The following ORC3 variants were observed in gnomAD, a reference collection of about 807,000 sequenced individuals.
ORC3 encodes origin recognition complex subunit 3.
In ORC3, 78 loss-of-function variants were observed where a neutral mutation model predicts 100.7. The ratio of observed to expected loss-of-function variants is 0.77; its 90% CI spans 0.65 to 0.94. The LOEUF (loss-of-function observed/expected upper bound fraction) is 0.94. ORC3 is among the 40% of genes least tolerant of loss of function. The pLI is 0.00. For synonymous variants in ORC3, 295 were observed against 289.3 expected (o/e 1.02, Z -0.20); for missense variants, 789 against 823.9 (o/e 0.96, Z 0.52).
At chr6:87,619,807 G>A (rs1358896306) in intron 9 of ORC3, among the ~76,000 whole-genome samples, 1 of 152,172 alleles carries the variant, frequency 6.6e-6, no homozygotes, top group African/African-American at 2.4e-5. Flanking sequence ...ACAAGTGACA[G>A]CATCTTTAGA....
intron 8 of ORC3, among the ~76,000 whole-genome samples, chr6:87,614,368 G>T (rs1199385644): frequency 1.3e-5 from 2 of 152,220 alleles, no homozygotes; most frequent in African/African-American, 4.8e-5. Context: ...AGGTCTCCAG[G>T]CTTGTGATGG....
In ORC3 at chr6:87,653,349, A is replaced by G. The variant is rs1260649808; in HGVS notation, c.1516+100A>G. On this transcript the variant is annotated intron_variant, in intron 14 of 19. Coordinates refer to ENST00000392844, the MANE Select transcript of ORC3 (RefSeq NM_012381.4). ...TTCTGATGTGCTTAGAGATAAAGAG[A>G]TAAAGTAGTTCATGATCAGTCAGTA... The G allele has an allele frequency of 1.4e-5, 15 of 1,101,350 alleles. No individual in the cohort carries two copies. The East Asian group carries it at 3.6e-4, about 26-fold the overall frequency. 68.2% of individuals were successfully genotyped at this position (1,101,350 alleles called of 1,614,324 possible).
chr6:87,615,552 G>A (rs7769144), intron 8 of ORC3, among the ~76,000 whole-genome samples: 17,312 of 152,142 alleles, frequency 0.11, 1,061 homozygotes, highest in East Asian at 0.15. Flanking sequence ...TGGCTAGGCC[G>A]GAAAGGGTGG....
chr6:87,639,679 T>C (rs1012779339), intron 13 of ORC3, among the ~76,000 whole-genome samples: 1 of 152,078 alleles, frequency 6.6e-6, no homozygotes, highest in African/African-American at 2.4e-5. Context: ...TGTTCTGTGA[T>C]ACTTTTTGAG....
At chr6:87,672,556 AT>A in the ORC3 span, among the ~76,000 whole-genome samples, 1 of 152,202 alleles carries the variant, frequency 6.6e-6, no homozygotes, top group Non-Finnish European at 1.5e-5. Context: ...TTTAATACCA[AT>A]TACTGTAAGA....
At chr6:87,604,588 T>G (rs913331878) in intron 4 of ORC3, among the ~76,000 whole-genome samples, 1 of 152,226 alleles carries the variant, frequency 6.6e-6, no homozygotes, top group Non-Finnish European at 1.5e-5. Flanking sequence ...GTTAAACACA[T>G]TGTTGATTAT....
intron 16 of ORC3, 112 bp from the exon 17 acceptor site, chr6:87,662,891 T>C (rs1334546005): frequency 1.8e-6 from 1 of 561,338 alleles, no homozygotes; most frequent in African/African-American, 2.0e-5. Context: ...GACAAAAATG[T>C]TATAGTGAAA....
intron 5 of ORC3, among the ~76,000 whole-genome samples, chr6:87,606,265 G>C (rs113578301): frequency 6.6e-6 from 1 of 152,120 alleles, no homozygotes; most frequent in Non-Finnish European, 1.5e-5. Context: ...TAGCAGTCCA[G>C]GCATTTTGTG....
At chr6:87,664,683 C>A in intron 17 of ORC3, 60 bp from the exon 18 acceptor site, 2 of 1,376,166 alleles carry the variant, frequency 1.5e-6, no homozygotes, top group South Asian at 1.2e-5. Flanking sequence ...TCATTAATGT[C>A]TGATTTTATT....
At chr6:87,635,399 T>G (rs1767735103) in intron 12 of ORC3, among the ~76,000 whole-genome samples, 1 of 152,236 alleles carries the variant, frequency 6.6e-6, no homozygotes, top group African/African-American at 2.4e-5. Context: ...TTTATGTTAT[T>G]CGATAAACCT....
intron 4 of ORC3, among the ~76,000 whole-genome samples, chr6:87,605,393 G>A (rs1039426074): frequency 1.4e-4 from 22 of 152,254 alleles, no homozygotes; most frequent in African/African-American, 4.1e-4. Context: ...GCTCACGCCT[G>A]TAATCCCAGC....
chr6:87,673,671 T>C, the ORC3 span, among the ~76,000 whole-genome samples: 1 of 151,822 alleles, frequency 6.6e-6, no homozygotes, highest in African/African-American at 2.4e-5. Context: ...TGAAACCCCG[T>C]CTCTACTAAA....
At chr6:87,658,658 T>C (rs1769918411) in intron 16 of ORC3, among the ~76,000 whole-genome samples, 1 of 152,140 alleles carries the variant, frequency 6.6e-6, no homozygotes. Flanking sequence ...TTACACTTTA[T>C]CTTTGCTAGG....
chr6:87,667,073 A>T lies in ORC3; in HGVS notation c.2086A>T (p.Thr696Ser). The T allele has an allele frequency of 6.2e-7, 1 of 1,612,738 alleles. No homozygotes were observed. Among genetic ancestry groups the T allele is most frequent in the South Asian group, 1.1e-5 (1 of 90,858 alleles). ...AGAACTTTTAGGATTTATAAAACCT[A>T]CCAAACAGAAGACTGACCATGTGGC... ...ELELLGFIKP[T>S]KQKTDHVARL... is the part of the protein sequence containing the mutation. The change falls in exon 20 of 20, where the codon ACC becomes TCC. Residue 696 changes from threonine (T) to serine (S), a missense_variant. Thr to Ser is a moderately conservative substitution (Grantham distance 58). Transcript: ENST00000392844.
At chr6:87,602,922 A>G (rs1211002818) in intron 3 of ORC3, among the ~76,000 whole-genome samples, 19 of 126,838 alleles carry the variant, frequency 1.5e-4, no homozygotes, top group African/African-American at 5.6e-4. Context: ...TTATATATAT[A>G]TATACACGTT....
At chr6:87,609,302 A>AG in intron 7 of ORC3, 73 bp downstream of exon 7, 3 of 1,030,680 alleles carry the variant, frequency 2.9e-6, no homozygotes, top group Non-Finnish European at 4.1e-6. Context: ...CTTGAAAAGT[A>AG]TAATCTTCAT....
At chr6:87,648,490 C>T (rs929616056) in intron 13 of ORC3, among the ~76,000 whole-genome samples, 7 of 152,052 alleles carry the variant, frequency 4.6e-5, no homozygotes, top group African/African-American at 1.7e-4. Flanking sequence ...TATTCTACCA[C>T]AGATGCCATG....
Position 87,663,068 on chromosome 6 carries a change from C to T in ORC3, c.1757C>T (p.Ala586Val), listed in dbSNP as rs771689518. 2 of 1,612,312 alleles carry T rather than the reference C, an allele frequency of 1.2e-6. No individual in the cohort carries two copies. Among genetic ancestry groups the T allele is most frequent in the East Asian group, 2.2e-5 (1 of 44,872 alleles). The part of the protein sequence containing the change: ...HEVVYFSAAH[A>V]LREHLNAAPR... ...GTGGTGTACTTCAGTGCTGCCCATG[C>T]CCTTCGTGAGCATTTAAATGCTGCT... is the stretch of plus-strand genomic sequence containing the variant. Residue 586 changes from alanine (A) to valine (V), a missense_variant, in exon 17 of 20, where the codon GCC becomes GTC. Physicochemically the swap from Ala to Val is moderately conservative, Grantham distance 64. Transcript: ENST00000392844.
At chr6:87,646,749 C>T (rs1227591444) in intron 13 of ORC3, among the ~76,000 whole-genome samples, 1 of 152,224 alleles carries the variant, frequency 6.6e-6, no homozygotes, top group Non-Finnish European at 1.5e-5. Context: ...TTCTCTCTGA[C>T]ATCTTAACAT....
Sources: gnomAD v4.1 joint callset for allele counts (sites outside exome capture counted in the v4.1 genomes callset) on GRCh38, gnomAD v4.1.1 for gene constraint, MANE v1.5 for transcripts, NCBI Gene and HGNC (gene_info 2026-07-23, HGNC 2026-07-21) for gene names.